Variants in SNX24 observed in about 807,000 individuals in gnomAD.
The protein encoded by SNX24 is sorting nexin-24.
Under a neutral mutation model 28.7 loss-of-function variants are expected in SNX24, and 22 were observed. The ratio of observed to expected loss-of-function variants is 0.77; its 90% confidence interval spans 0.55 to 1.10. The LOEUF (loss-of-function observed/expected upper bound fraction) is 1.10, where lower values mean the gene tolerates loss of function less well. SNX24 is among the 50% of genes least tolerant of loss of function. SNX24 has a pLI of 0.00. For synonymous variants in SNX24, 69 were observed against 71.5 expected, an observed-to-expected ratio of 0.96 and a Z score of 0.18; for missense variants, 221 against 201.1, an observed-to-expected ratio of 1.10 and a Z score of -0.60.
At position 122,930,984 on chromosome 5, in the gene SNX24, G is replaced by T. The variant is rs888911932; in HGVS notation, c.61-5750G>T. Among the ~76,000 whole-genome samples, 26 of 152,252 alleles carry T rather than the reference G, an allele frequency of 1.7e-4. No individual in the cohort carries two copies. The East Asian group carries it at 5.0e-3, about 29-fold the overall frequency. On this transcript the variant is annotated intron_variant, in intron 1 of 6. Transcript: ENST00000261369. ...AGGAAAAAAATTGATTTTGTTATAT[G>T]TGCTTCAAGTCCCAGTTTCCAAAAA...
At chr5:123,005,979 G>A (rs190662235) in intron 6 of SNX24, among the ~76,000 whole-genome samples, 13 of 152,256 alleles carry the variant, frequency 8.5e-5, no homozygotes, top group Admixed American at 2.0e-4. Context: ...TATAGTTTGT[G>A]TGTTCATTCG....
intron 5 of SNX24, chr5:123,025,748 A>G (rs1298518674): frequency 6.3e-7 from 1 of 1,582,752 alleles, no homozygotes; most frequent in Non-Finnish European, 8.6e-7. Context: ...CAATAAAAAT[A>G]TAAAGCTTTG....
chr5:122,965,615 A>G (rs766302629), intron 3 of SNX24: 3 of 303,782 alleles, frequency 9.9e-6, no homozygotes, highest in Non-Finnish European at 2.0e-5. Flanking sequence ...CAGTGACGAA[A>G]TGGATGGGGA....
intron 1 of SNX24, among the ~76,000 whole-genome samples, chr5:122,911,219 G>T (rs939297108): frequency 1.3e-5 from 2 of 152,230 alleles, no homozygotes; most frequent in African/African-American, 4.8e-5. Context: ...CTGATGGCCA[G>T]TGATGATGAG....
rs115034114 is a variant in SNX24, at chr5:122,883,907, A to T, written c.60+38214A>T. 4.8e-3 allele frequency among the ~76,000 whole-genome samples: 729 copies of T among 152,272 alleles called. 4 individuals carry two copies. The highest frequency in any genetic ancestry group is 0.017 in the African/African-American group (700 of 41,550). ...TGGGCTCAAGCAATCCTCTCACCTT[A>T]GTCTCTCAAAGTGTTGGGATTACAG... is the stretch of plus-strand genomic sequence containing the variant. On this transcript the variant is annotated intron_variant, in intron 1 of 6. Coordinates refer to ENST00000261369, the MANE Select transcript of SNX24 (RefSeq NM_014035.4).
intron 1 of SNX24, among the ~76,000 whole-genome samples, chr5:122,886,369 G>GTC (rs754098551): frequency 6.6e-6 from 1 of 151,852 alleles, no homozygotes. Flanking sequence ...CTTAATTCCT[G>GTC]TCTCTCTCTC....
At chr5:123,028,700 A>G (rs1417854141) in intron 5 of SNX24, 6 of 1,206,918 alleles carry the variant, frequency 5.0e-6, no homozygotes, top group Non-Finnish European at 1.2e-6. Flanking sequence ...GGATTTCAAC[A>G]GACTGGGTTC....
chr5:123,028,233 T>A (rs1313758891), intron 5 of SNX24, among the ~76,000 whole-genome samples: 1 of 152,044 alleles, frequency 6.6e-6, no homozygotes, highest in Admixed American at 6.6e-5. Flanking sequence ...TAGCCAGGAG[T>A]GTGAGTCACT....
intron 5 of SNX24, among the ~76,000 whole-genome samples, chr5:123,019,181 A>C (rs1361399524): frequency 6.6e-6 from 1 of 152,178 alleles, no homozygotes; most frequent in African/African-American, 2.4e-5. Flanking sequence ...CTCTTGGCCA[A>C]AATCTTAAAT....
rs573099619 is a variant in SNX24 at position 122,975,551 on chromosome 5, G to A, written c.250-24361G>A. Among the ~76,000 whole-genome samples, 8 of 152,080 alleles carry A rather than the reference G, an allele frequency of 5.3e-5. No homozygotes were observed. In the South Asian group the frequency reaches 1.7e-3, roughly 32 times the overall value. The stretch of plus-strand genomic sequence containing the variant: ...CATAAAAATTTTTAAATTTTGTACA[G>A]CAAAAATGTCACCACAAATTCAAAT... On this transcript the variant is annotated intron_variant, in intron 3 of 6. Transcript: ENST00000261369.
intron 3 of SNX24, among the ~76,000 whole-genome samples, chr5:122,994,605 C>T (rs1439764464): frequency 2.0e-5 from 3 of 152,154 alleles, no homozygotes; most frequent in Non-Finnish European, 4.4e-5. Context: ...ATTTGTGTTA[C>T]ATGATGATAA....
intron 3 of SNX24, among the ~76,000 whole-genome samples, chr5:122,995,665 T>C (rs958892185): frequency 2.6e-5 from 4 of 152,224 alleles, no homozygotes; most frequent in African/African-American, 9.6e-5. Context: ...TCTGTGTGTA[T>C]ACCTGTAAAA....
intron 1 of SNX24, among the ~76,000 whole-genome samples, chr5:122,886,916 C>T (rs936247804): frequency 6.6e-6 from 1 of 152,056 alleles, no homozygotes; most frequent in Non-Finnish European, 1.5e-5. Flanking sequence ...TCTCCCTCAT[C>T]CCACTTTTGT....
In SNX24 at chr5:122,868,616, G is replaced by T. The variant is rs543516839; in HGVS notation, c.60+22923G>T. Among the ~76,000 whole-genome samples, 117 of 152,244 alleles carry T rather than the reference G, an allele frequency of 7.7e-4. 1 individual carries two copies. The highest frequency in any genetic ancestry group is 2.6e-3 in the African/African-American group (108 of 41,554). ...AAGTGGCAGAGCAGTTTGCATGGCA[G>T]CTTGGACCTATTGCAGAGCCTATCC... On this transcript the variant is annotated intron_variant, in intron 1 of 6. Coordinates refer to ENST00000261369, the MANE Select transcript of SNX24 (RefSeq NM_014035.4).
downstream of SNX24, among the ~76,000 whole-genome samples, chr5:123,010,380 T>C (rs1427707267): frequency 6.6e-6 from 1 of 151,824 alleles, no homozygotes; most frequent in Non-Finnish European, 1.5e-5. Context: ...AACTTCTGCC[T>C]CCTGGGTTCA....
intron 1 of SNX24, among the ~76,000 whole-genome samples, chr5:122,854,881 A>AC (rs1755111625): frequency 1.3e-5 from 2 of 152,206 alleles, no homozygotes; most frequent in African/African-American, 4.8e-5. Flanking sequence ...ACTATAGTTT[A>AC]TTAAGTGTGC....
rs930243033 is a variant in SNX24, at chr5:122,891,230, A to G, written c.61-45504A>G. The G allele has an allele frequency of 2.5e-5, 29 of 1,145,844 alleles. 1 individual carries two copies. The highest frequency in any genetic ancestry group is 6.3e-4 in the Middle Eastern group (2 of 3,176). The allele number at this position is 1,145,844 out of a possible 1,614,324, so 71.0% of individuals were successfully genotyped here. A position where few individuals can be genotyped will look rare whatever the true frequency, so the allele number is the denominator to read the frequency against. On this transcript the variant is annotated intron_variant, in intron 1 of 6. Coordinates refer to ENST00000261369, the MANE Select transcript of SNX24 (RefSeq NM_014035.4). ...GAAATGGTTTAGGAATGTTGACTTT[A>G]AAGTGCCTATTTATTCTAATATCAA...
chr5:122,964,738 A>G (rs1353566547), intron 3 of SNX24, among the ~76,000 whole-genome samples: 4 of 152,174 alleles, frequency 2.6e-5, no homozygotes, highest in African/African-American at 9.6e-5. Context: ...AATCTTTTCT[A>G]TATTCCTCAG....
chr5:122,884,605 A>G (rs2150064286), intron 1 of SNX24, among the ~76,000 whole-genome samples: 1 of 152,286 alleles, frequency 6.6e-6, no homozygotes. Flanking sequence ...TCTGTACTCT[A>G]TAATTACAGT....
Sources: gnomAD v4.1 joint callset for allele counts (sites outside exome capture counted in the v4.1 genomes callset) on GRCh38, gnomAD v4.1.1 for gene constraint, MANE v1.5 for transcripts, NCBI Gene and HGNC (gene_info 2026-07-23, HGNC 2026-07-21) for gene names.